OTUD7A: variants seen among roughly 807,000 people sequenced by gnomAD.
OTUD7A encodes the protein OTU domain-containing protein 7A.
In OTUD7A, 12 loss-of-function variants were observed where a neutral mutation model predicts 65.7. The ratio of observed to expected loss-of-function variants is 0.18; its 90% CI spans 0.12 to 0.30. OTUD7A has a LOEUF of 0.30. OTUD7A is among the 10% of genes least tolerant of loss of function. OTUD7A has a pLI of 1.00. For missense variants in OTUD7A, 1,148 were observed against 1,304.8 expected (o/e 0.88, Z 1.85); for synonymous variants, 641 against 586.3 (o/e 1.09, Z -1.35).
At chr15:31,681,361 A>G (rs554743129) in intron 1 of OTUD7A, among the ~76,000 whole-genome samples, 39 of 151,796 alleles carry the variant, frequency 2.6e-4, no homozygotes, top group South Asian at 8.3e-4. Flanking sequence ...CTGGGTGTCT[A>G]TTTGTCAGTA....
chr15:31,617,323 C>T (rs182051373), intron 3 of OTUD7A, among the ~76,000 whole-genome samples: 6 of 152,162 alleles, frequency 3.9e-5, no homozygotes, highest in African/African-American at 1.2e-4. Flanking sequence ...CCCGTCTCTA[C>T]TAAAAATACA....
intron 1 of OTUD7A, among the ~76,000 whole-genome samples, chr15:31,730,312 A>G (rs1894005467): frequency 6.6e-6 from 1 of 152,208 alleles, no homozygotes; most frequent in African/African-American, 2.4e-5. Flanking sequence ...CCTGAGAGAC[A>G]ACCCTCTGCA....
At chr15:31,646,006 C>G (rs922740809) in intron 3 of OTUD7A, among the ~76,000 whole-genome samples, 1 of 152,226 alleles carries the variant, frequency 6.6e-6, no homozygotes, top group African/African-American at 2.4e-5. Context: ...GCAGCCTCCT[C>G]TTTCCTGCCT....
chr15:31,746,386 C>A (rs969216355), intron 1 of OTUD7A, among the ~76,000 whole-genome samples: 3 of 151,808 alleles, frequency 2.0e-5, no homozygotes, highest in African/African-American at 7.3e-5. Context: ...ATGTTCTTTA[C>A]AATAGAATAC....
At chr15:31,744,649 T>A (rs890067423) in intron 1 of OTUD7A, among the ~76,000 whole-genome samples, 4 of 152,128 alleles carry the variant, frequency 2.6e-5, no homozygotes, top group Non-Finnish European at 5.9e-5. Flanking sequence ...AAAAAGAAGT[T>A]AGGCATATTT....
At chr15:31,738,759 G>A (rs191387621) in intron 1 of OTUD7A, among the ~76,000 whole-genome samples, 90 of 152,328 alleles carry the variant, frequency 5.9e-4, no homozygotes, top group African/African-American at 2.0e-3. Flanking sequence ...GGGATAGTAC[G>A]CAAAGGCACA....
intron 3 of OTUD7A, among the ~76,000 whole-genome samples, chr15:31,598,929 G>T (rs908538932): frequency 6.6e-6 from 1 of 152,130 alleles, no homozygotes; most frequent in Admixed American, 6.5e-5. Context: ...AGCTCAGCAA[G>T]GCCGCCGTGG....
chr15:31,765,157 T>C (rs574514088), intron 1 of OTUD7A, among the ~76,000 whole-genome samples: 7 of 152,208 alleles, frequency 4.6e-5, no homozygotes, highest in African/African-American at 1.7e-4. Flanking sequence ...AACAAATGAA[T>C]GACTGAAGCA....
intron 1 of OTUD7A, among the ~76,000 whole-genome samples, chr15:31,819,432 T>C (rs1352248539): frequency 1.3e-5 from 2 of 152,176 alleles, no homozygotes; most frequent in African/African-American, 4.8e-5. Flanking sequence ...AGTAAAAAAA[T>C]GTAGACCTGC....
At chr15:31,524,135 T>G (rs2041976648) in intron 8 of OTUD7A, among the ~76,000 whole-genome samples, 1 of 149,350 alleles carries the variant, frequency 6.7e-6, no homozygotes, top group Non-Finnish European at 1.5e-5. Context: ...TCTTCTGAGT[T>G]TTTTGTTTTT....
At chr15:31,803,857 C>T (rs991327615) in intron 1 of OTUD7A, among the ~76,000 whole-genome samples, 4 of 152,184 alleles carry the variant, frequency 2.6e-5, no homozygotes, top group African/African-American at 9.7e-5. Flanking sequence ...GTGCATCTTT[C>T]AGGATGCAAG....
chr15:31,717,424 T>C (rs534899205), intron 1 of OTUD7A, among the ~76,000 whole-genome samples: 2 of 152,260 alleles, frequency 1.3e-5, no homozygotes, highest in South Asian at 4.2e-4. Flanking sequence ...CAGTGTGTGA[T>C]GTTCCCCTCC....
intron 1 of OTUD7A, among the ~76,000 whole-genome samples, chr15:31,726,033 C>T (rs1282208354): frequency 6.9e-6 from 1 of 145,428 alleles, no homozygotes; most frequent in Non-Finnish European, 1.5e-5. Flanking sequence ...TAATGCAGTC[C>T]TCAACCCTGA....
intron 1 of OTUD7A, among the ~76,000 whole-genome samples, chr15:31,674,737 TAGAA>T (rs1284228094): frequency 2.6e-5 from 4 of 152,242 alleles, no homozygotes; most frequent in Non-Finnish European, 4.4e-5. Context: ...GCTTACCTGA[TAGAA>T]AGAGACAGGC....
intron 1 of OTUD7A, among the ~76,000 whole-genome samples, chr15:31,861,465 T>C (rs1014788016): frequency 1.3e-5 from 2 of 152,208 alleles, no homozygotes; most frequent in African/African-American, 4.8e-5. Flanking sequence ...CTGAACATAC[T>C]GCTTGCCAGA....
chr15:31,682,291 C>A (rs1362165879), intron 1 of OTUD7A, among the ~76,000 whole-genome samples: 18 of 152,148 alleles, frequency 1.2e-4, no homozygotes, highest in Admixed American at 1.2e-3. Flanking sequence ...GTAAGATATA[C>A]CACAGTTAAG....
At chr15:31,589,976 C>T (rs555537545) in intron 3 of OTUD7A, among the ~76,000 whole-genome samples, 1 of 152,156 alleles carries the variant, frequency 6.6e-6, no homozygotes, top group Non-Finnish European at 1.5e-5. Flanking sequence ...ATATATATAT[C>T]AACTGAGTGA....
At position 31,774,621 on chromosome 15, in the gene OTUD7A, T is replaced by A. The variant is rs191507542; in HGVS notation, c.-100+95886A>T. On this transcript the variant is annotated intron_variant, in intron 1 of 12. Coordinates refer to ENST00000307050, the MANE Select transcript of OTUD7A (RefSeq NM_001382637.1). ...AGTCAGGTGCATCTCCAGAGGGGGA[T>A]CTCAGATACTTACTGCTAGTTGCTG... is the stretch of plus-strand genomic sequence containing the variant. Among the ~76,000 whole-genome samples, 135 of 152,304 alleles carry A rather than the reference T, an allele frequency of 8.9e-4. No individual in the cohort carries two copies. In the South Asian group the frequency reaches 9.3e-3, roughly 11 times the overall value.
intron 2 of OTUD7A, among the ~76,000 whole-genome samples, chr15:31,655,846 G>C (rs186994752): frequency 6.6e-6 from 1 of 152,254 alleles, no homozygotes; most frequent in East Asian, 1.9e-4. Flanking sequence ...AATTCAGTTG[G>C]AGTTGCTAGA....
Sources: gnomAD v4.1 joint callset for allele counts (sites outside exome capture counted in the v4.1 genomes callset) on GRCh38, gnomAD v4.1.1 for gene constraint, MANE v1.5 for transcripts, NCBI Gene and HGNC (gene_info 2026-07-23, HGNC 2026-07-21) for gene names.